Variants in CSMD1 observed in about 807,000 individuals in gnomAD.
CSMD1 encodes the protein CUB and Sushi multiple domains 1.
CSMD1 carries 213 observed loss-of-function variants against 417.5 expected under a neutral mutation model. The observed-to-expected ratio is 0.51, with a 90% CI of 0.46 to 0.57. The LOEUF is 0.57. Among genes scored for constraint, CSMD1 ranks in the 20% least tolerant of loss-of-function variants. The pLI is 0.00. For missense variants in CSMD1, 6,923 were observed against 4,529.7 expected, an observed-to-expected ratio of 1.53 and a Z score of -15.17; for synonymous variants, 2,862 against 1,736.8, an observed-to-expected ratio of 1.65 and a Z score of -16.11.
chr8:4,286,668 C>G (rs1432739631), intron 3 of CSMD1, among the ~76,000 whole-genome samples: 2 of 152,180 alleles, frequency 1.3e-5, no homozygotes, highest in African/African-American at 2.4e-5. Flanking sequence ...AGCAATCATA[C>G]TGATTTTGTA....
At chr8:4,661,724 T>C (rs1393342528) in intron 1 of CSMD1, among the ~76,000 whole-genome samples, 3 of 152,160 alleles carry the variant, frequency 2.0e-5, no homozygotes, top group Non-Finnish European at 4.4e-5. Flanking sequence ...AAAAGTTTAA[T>C]TTCAAAACAA....
chr8:2,995,485 G>A (rs1449753384), intron 54 of CSMD1, among the ~76,000 whole-genome samples: 1 of 152,116 alleles, frequency 6.6e-6, no homozygotes, highest in Non-Finnish European at 1.5e-5. Flanking sequence ...AAAATGCTTG[G>A]CAGTTTCTTA....
chr8:3,670,042 G>C (rs1382815979), intron 7 of CSMD1, among the ~76,000 whole-genome samples: 1 of 152,134 alleles, frequency 6.6e-6, no homozygotes, highest in Non-Finnish European at 1.5e-5. Context: ...AATGTTCCTA[G>C]GGTCTCACAA....
intron 2 of CSMD1, among the ~76,000 whole-genome samples, chr8:4,425,020 C>A (rs905319746): frequency 6.6e-6 from 1 of 151,866 alleles, no homozygotes; most frequent in African/African-American, 2.4e-5. Flanking sequence ...ACATTAAATT[C>A]TAAAAGTAAG....
chr8:4,962,377 A>C (rs1277234163), intron 1 of CSMD1, among the ~76,000 whole-genome samples: 1 of 151,878 alleles, frequency 6.6e-6, no homozygotes, highest in South Asian at 2.1e-4. Flanking sequence ...TGACTGCTTA[A>C]TTTTATAATT....
chr8:3,042,090 C>G (rs928199811), intron 50 of CSMD1, among the ~76,000 whole-genome samples: 3 of 152,130 alleles, frequency 2.0e-5, no homozygotes, highest in Non-Finnish European at 2.9e-5. Context: ...CAGCACCTGC[C>G]AACTCTGTTC....
chr8:3,733,220 T>G (rs1198930850), intron 6 of CSMD1, among the ~76,000 whole-genome samples: 1 of 148,314 alleles, frequency 6.7e-6, no homozygotes, highest in Admixed American at 6.8e-5. Flanking sequence ...CTCTCTCTCA[T>G]ACATACACAT....
chr8:3,718,819 T>G (rs549268835), intron 6 of CSMD1, among the ~76,000 whole-genome samples: 4 of 152,256 alleles, frequency 2.6e-5, no homozygotes, highest in African/African-American at 9.6e-5. Flanking sequence ...GATTTAAGTT[T>G]TCAGACATAA....
chr8:3,635,384 G>C lies in CSMD1; in HGVS notation c.1010-18587C>G, dbSNP rs557482511. 7.9e-5 allele frequency among the ~76,000 whole-genome samples: 12 copies of C among 152,002 alleles called. No homozygotes were observed. In the East Asian group the frequency reaches 2.4e-3, roughly 30 times the overall value. The stretch of plus-strand genomic sequence containing the variant: ...AGCTACTCGGGAGGCTGAGGCAGGA[G>C]AATCACTTGAACCCGGTTGAACCTG... On this transcript the variant is annotated intron_variant, in intron 7 of 69. Transcript: ENST00000635120.
At chr8:4,337,676 T>G (rs1192496214) in intron 3 of CSMD1, among the ~76,000 whole-genome samples, 1 of 152,186 alleles carries the variant, frequency 6.6e-6, no homozygotes, top group Non-Finnish European at 1.5e-5. Context: ...ACAGACAATT[T>G]TTTCTTTAAG....
At chr8:4,474,206 C>T (rs762805564) in intron 2 of CSMD1, among the ~76,000 whole-genome samples, 5 of 151,944 alleles carry the variant, frequency 3.3e-5, no homozygotes, top group Admixed American at 1.3e-4. Flanking sequence ...AATGTAAGAA[C>T]GGCCTACAAG....
chr8:4,574,186 C>A (rs1453428039), intron 2 of CSMD1, among the ~76,000 whole-genome samples: 1 of 152,034 alleles, frequency 6.6e-6, no homozygotes, highest in East Asian at 1.9e-4. Flanking sequence ...AAACCTCTTG[C>A]AGCTAGCTCG....
intron 11 of CSMD1, among the ~76,000 whole-genome samples, chr8:3,490,336 C>T (rs1378229713): frequency 1.3e-5 from 2 of 152,104 alleles, no homozygotes; most frequent in African/African-American, 2.4e-5. Flanking sequence ...ACATAGTTTG[C>T]AATTGCTTTC....
At chr8:3,639,988 G>A (rs773744401) in intron 7 of CSMD1, among the ~76,000 whole-genome samples, 3 of 152,312 alleles carry the variant, frequency 2.0e-5, no homozygotes, top group Non-Finnish European at 4.4e-5. Context: ...TCTAATAGTG[G>A]TTGGGATATA....
At chr8:3,810,063 T>A (rs1168762582) in intron 5 of CSMD1, among the ~76,000 whole-genome samples, 1 of 152,162 alleles carries the variant, frequency 6.6e-6, no homozygotes, top group Non-Finnish European at 1.5e-5. Context: ...CTACATATTT[T>A]TATTATCATG....
At chr8:3,923,757 C>A (rs887378597) in intron 5 of CSMD1, among the ~76,000 whole-genome samples, 34 of 152,278 alleles carry the variant, frequency 2.2e-4, no homozygotes, top group African/African-American at 6.5e-4. Flanking sequence ...CTTTGACAAA[C>A]ATCTCCTCAT....
At chr8:3,098,349 T>C (rs1304652749) in intron 46 of CSMD1, among the ~76,000 whole-genome samples, 1 of 152,202 alleles carries the variant, frequency 6.6e-6, no homozygotes, top group Admixed American at 6.5e-5. Flanking sequence ...AAGCTTATGA[T>C]ATGTGTTTTT....
intron 3 of CSMD1, among the ~76,000 whole-genome samples, chr8:4,181,798 T>G (rs79612429): frequency 2.6e-5 from 4 of 152,188 alleles, no homozygotes; most frequent in Non-Finnish European, 4.4e-5. Context: ...AGGTGACTAA[T>G]TGACTATGCA....
intron 3 of CSMD1, among the ~76,000 whole-genome samples, chr8:4,325,476 G>A (rs911764283): frequency 6.6e-5 from 10 of 152,166 alleles, no homozygotes; most frequent in Admixed American, 2.6e-4. Context: ...ACTTTCAAGC[G>A]CTTCCTGTGG....
Sources: allele counts gnomAD v4.1 joint callset (sites outside exome capture counted in the v4.1 genomes callset), GRCh38; gene constraint gnomAD v4.1.1; transcripts MANE v1.5; gene names NCBI Gene and HGNC (gene_info 2026-07-23, HGNC 2026-07-21).